MAPKBP1: variants seen among roughly 807,000 people sequenced by gnomAD.
MAPKBP1 encodes mitogen-activated protein kinase binding protein 1.
A neutral mutation model predicts 170.5 loss-of-function variants in MAPKBP1; 71 were observed. The observed-to-expected ratio is 0.42, with a 90% CI of 0.34 to 0.51. The LOEUF is 0.51. Among genes scored for constraint, MAPKBP1 ranks in the 20% least tolerant of loss-of-function variants. The pLI, the probability that MAPKBP1 is intolerant of heterozygous loss-of-function variation, is 0.06. For missense variants in MAPKBP1, 1,598 were observed against 1,933.0 expected (o/e 0.83, Z 3.25); for synonymous variants, 719 against 757.9 (o/e 0.95, Z 0.84).
chr15:41,813,822 C>T, intron 9 of MAPKBP1, 41 bp downstream of exon 9: 4 of 1,537,352 alleles, frequency 2.6e-6, no homozygotes, highest in African/African-American at 1.4e-5. Context: ...TGTAGCCTTA[C>T]CCCTGCCCAG....
chr15:41,804,053 T>C (rs950616723), intron 3 of MAPKBP1, among the ~76,000 whole-genome samples: 5 of 152,222 alleles, frequency 3.3e-5, no homozygotes, highest in Non-Finnish European at 5.9e-5. Flanking sequence ...TTGGTCAGGC[T>C]GGTCTCAAAC....
In MAPKBP1 at chr15:41,813,777, G is replaced by GC; in HGVS notation, c.978dup (p.Ser327GlnfsTer21). ...GACAGACATTGCTAGCGTCACCGAGGCCAGGTGAGCTATGTGGGCCCCCCT... is the reference window on the plus strand; with the variant it reads ...GACAGACATTGCTAGCGTCACCGAGGCCCAGGTGAGCTATGTGGGCCCCCCT... On this transcript the variant is annotated frameshift_variant, in exon 9 of 31. Coordinates refer to ENST00000457542, the MANE Select transcript of MAPKBP1 (RefSeq NM_014994.3). LOFTEE classifies it high-confidence loss of function. The GC allele has an allele frequency of 6.3e-7, 1 of 1,589,890 alleles. No individual in the cohort carries two copies. The highest frequency in any genetic ancestry group is 8.6e-7 in the Non-Finnish European group (1 of 1,168,340).
rs574365248 is a variant in MAPKBP1 at position 41,820,812 on chromosome 15, C to A, written c.2482-20C>A. ...TGTGTGGTTGTTGTTACTCCTCCCC[C>A]ACCCCCTACCTCCCACCAGGCACAG... On this transcript the variant is annotated intron_variant, in intron 22 of 30. Transcript: ENST00000457542. 1.3e-6 allele frequency: 2 copies of A among 1,591,068 alleles called. No homozygotes were observed. The highest frequency in any genetic ancestry group is 8.6e-7 in the Non-Finnish European group (1 of 1,160,286).
At chr15:41,793,605 C>T (rs1485246278) in intron 2 of MAPKBP1, among the ~76,000 whole-genome samples, 35 of 152,240 alleles carry the variant, frequency 2.3e-4, no homozygotes, top group Non-Finnish European at 1.2e-4. Flanking sequence ...AGACATAACC[C>T]GCATAAACAG....
At chr15:41,798,122 T>C (rs894798982) in intron 2 of MAPKBP1, among the ~76,000 whole-genome samples, 1 of 149,798 alleles carries the variant, frequency 6.7e-6, no homozygotes, top group Non-Finnish European at 1.5e-5. Context: ...TGGTGGCGGG[T>C]GCCTGTAGTC....
chr15:41,789,753 C>T (rs1437542217), intron 2 of MAPKBP1, among the ~76,000 whole-genome samples: 1 of 152,188 alleles, frequency 6.6e-6, no homozygotes, highest in Non-Finnish European at 1.5e-5. Flanking sequence ...ACTTTAGCTA[C>T]TGATAAGTTC....
At chr15:41,815,505 T>G in intron 11 of MAPKBP1, 100 bp downstream of exon 11, 2 of 1,558,280 alleles carry the variant, frequency 1.3e-6, no homozygotes, top group Non-Finnish European at 8.7e-7. Context: ...GCCTTGGCCT[T>G]CCAGCCTTCA....
Position 41,821,758 on chromosome 15 carries a change from T to A in MAPKBP1, c.2885+8T>A. ...CCCCACCATGGATACCAGGCAAGGA[T>A]CCTGCCCTAGCCAGACCCCGTGCCC... On this transcript the variant is annotated splice_region_variant and intron_variant, in intron 24 of 30. Coordinates refer to ENST00000457542, the MANE Select transcript of MAPKBP1 (RefSeq NM_014994.3). The A allele has an allele frequency of 6.2e-7, 1 of 1,613,298 alleles. No individual in the cohort carries two copies. The highest frequency in any genetic ancestry group is 8.5e-7 in the Non-Finnish European group (1 of 1,179,928).
rs753926473 is a variant in MAPKBP1, at chr15:41,821,631, C to T, written c.2766C>T (p.Pro922=). The T allele has an allele frequency of 5.0e-6, 8 of 1,613,968 alleles. No individual in the cohort carries two copies. The highest frequency in any genetic ancestry group is 1.3e-5 in the African/African-American group (1 of 74,896). ...RPQASQPCSY[P]HIIRLLSQEE... is the part of the protein sequence containing the mutation. ...AGGCTTCCCAACCTTGTTCCTATCC[C>T]CATATTATCCGATTATTGTCACAAG... Residue 922 remains proline (P), a synonymous_variant, in exon 24 of 31, where the codon CCC becomes CCT. Transcript: ENST00000457542.
At chr15:41,793,957 C>A (rs895743760) in intron 2 of MAPKBP1, among the ~76,000 whole-genome samples, 1 of 152,128 alleles carries the variant, frequency 6.6e-6, no homozygotes, top group African/African-American at 2.4e-5. Flanking sequence ...TTTGGCCGGG[C>A]GCGGTGGCTC....
intron 3 of MAPKBP1, among the ~76,000 whole-genome samples, chr15:41,801,749 C>G (rs2152074682): frequency 6.6e-6 from 1 of 151,978 alleles, no homozygotes; most frequent in East Asian, 1.9e-4. Flanking sequence ...GCTTGGGAGG[C>G]TGAAGCATGA....
At position 41,786,775 on chromosome 15, in the gene MAPKBP1, AAAATATAT is replaced by A. The variant is rs1345779849; in HGVS notation, c.114+11388_114+11395del. ...GCCAGACTCCGTCTAAAAAAAAAAA[AAAATATAT>A]ATATATATATATATATATATAGGTA... On this transcript the variant is annotated intron_variant, in intron 2 of 30. Transcript: ENST00000457542. Among the ~76,000 whole-genome samples the A allele has an allele frequency of 8.8e-4, 11 of 12,456 alleles. No homozygotes were observed. The East Asian group carries it at 0.019, about 22-fold the overall frequency. 8.2% of individuals were successfully genotyped at this position (12,456 alleles called of 152,430 possible).
intron 2 of MAPKBP1, among the ~76,000 whole-genome samples, chr15:41,778,262 A>G (rs1280043454): frequency 1.3e-5 from 2 of 152,264 alleles, no homozygotes; most frequent in African/African-American, 4.8e-5. Flanking sequence ...GGAGGAATTT[A>G]TGACCTCTTT....
chr15:41,784,358 G>A (rs2064243432), intron 2 of MAPKBP1, among the ~76,000 whole-genome samples: 1 of 151,910 alleles, frequency 6.6e-6, no homozygotes. Context: ...GAGTTAATAT[G>A]AGCTGGACAC....
chr15:41,817,274 T>G lies in MAPKBP1; in HGVS notation c.1712-114T>G. ...GGGTTTCCAGGTTTAATTTAGTTGG[T>G]TTTCCCTGGCATGTAGAGTAGCTTG... is the stretch of plus-strand genomic sequence containing the variant. On this transcript the variant is annotated intron_variant, in intron 14 of 30. Transcript: ENST00000457542. This position sits in a 1 kb window ranked among gnomAD's most constrained non-coding sequence, Gnocchi z 4.2. 1 of 1,294,040 alleles carries G rather than the reference T, an allele frequency of 7.7e-7. No individual in the cohort carries two copies. The highest frequency in any genetic ancestry group is 1.1e-6 in the Non-Finnish European group (1 of 904,504). The allele number at this position is 1,294,040 out of a possible 1,614,324, so 80.2% of individuals were successfully genotyped here. A position where few individuals can be genotyped will look rare whatever the true frequency, so the allele number is the denominator to read the frequency against.
Position 41,815,259 on chromosome 15 carries a change from G to A in MAPKBP1, c.1171G>A (p.Val391Ile). Residue 391 changes from valine to isoleucine, a missense_variant and splice_region_variant, in exon 11 of 31, where the codon GTC becomes ATC. Around this residue, in one of 6 missense-constraint regions of MAPKBP1, gnomAD observed 430 missense variants for 617.2 expected, o/e 0.70. Coordinates refer to ENST00000457542, the MANE Select transcript of MAPKBP1 (RefSeq NM_014994.3). ...GATTGTGTTCCCTCGGCCTCTTCAG[G>A]TCTACCCCGAGGTGAAGGATAGTAA... ...YHSSCVWSVE[V>I]YPEVKDSNQA... is the part of the protein sequence containing the mutation. 1 of 1,614,152 alleles carries A rather than the reference G, an allele frequency of 6.2e-7. No individual in the cohort carries two copies. Among genetic ancestry groups the A allele is most frequent in the Non-Finnish European group, 8.5e-7 (1 of 1,180,016 alleles).
Position 41,801,660 on chromosome 15 carries a change from C to A in MAPKBP1, c.206+1746C>A, listed in dbSNP as rs562481017. Among the ~76,000 whole-genome samples the A allele has an allele frequency of 4.4e-4, 67 of 152,240 alleles. No individual in the cohort carries two copies. The South Asian group carries it at 0.01, about 24-fold the overall frequency. On this transcript the variant is annotated intron_variant, in intron 3 of 30. Transcript: ENST00000457542. ...GTCAGGAGTTGGAGACCAGCCTGGC[C>A]AACATGTTGAAACCCTGTCTCTACT...
chr15:41,799,691 A>T (rs1289619277), intron 2 of MAPKBP1, 132 bp from the exon 3 acceptor site: 4 of 664,984 alleles, frequency 6.0e-6, no homozygotes, highest in Non-Finnish European at 1.1e-5. Flanking sequence ...TGCAGAAGTC[A>T]TAGCTCCATT....
chr15:41,790,459 A>G (rs1319015170), intron 2 of MAPKBP1, among the ~76,000 whole-genome samples: 8 of 152,258 alleles, frequency 5.3e-5, no homozygotes. Flanking sequence ...TTGACTGGCC[A>G]GGTTTGGGAA....
Sources: allele counts gnomAD v4.1 joint callset (sites outside exome capture counted in the v4.1 genomes callset), GRCh38; gene constraint gnomAD v4.1.1; regional missense constraint gnomAD v4.1.1; non-coding constraint Gnocchi (gnomAD v3.1); transcripts MANE v1.5; gene names NCBI Gene and HGNC (gene_info 2026-07-23, HGNC 2026-07-21).